Variants in PRDM14 observed in about 807,000 individuals in gnomAD.
The protein encoded by PRDM14 is PR domain zinc finger protein 14.
In PRDM14, 16 loss-of-function variants were observed where a neutral mutation model predicts 48.0. The ratio of observed to expected loss-of-function variants is 0.33; its 90% CI spans 0.23 to 0.51. The LOEUF is 0.51. Among genes scored for constraint, PRDM14 ranks in the 20% least tolerant of loss-of-function variants. The pLI, the probability that PRDM14 is intolerant of heterozygous loss-of-function variation, is 0.97. For missense variants in PRDM14, 566 were observed against 719.6 expected, an observed-to-expected ratio of 0.79 and a Z score of 2.44; for synonymous variants, 264 against 276.6, an observed-to-expected ratio of 0.95 and a Z score of 0.45.
At position 70,051,756 on chromosome 8, in the gene PRDM14, AG is replaced by A; in HGVS notation, c.*320del. On this transcript the variant is annotated 3_prime_UTR_variant, in exon 8 of 8. Coordinates refer to ENST00000276594, the MANE Select transcript of PRDM14 (RefSeq NM_024504.4). ...TTTTTACATTGTCTCCACACTCTTGAGGGCTACTCATTTTTTTTGTTTTGTT... is the reference window on the plus strand; with the variant it reads ...TTTTTACATTGTCTCCACACTCTTGAGGCTACTCATTTTTTTTGTTTTGTT... The A allele has an allele frequency of 5.8e-6, 1 of 171,032 alleles. No homozygotes were observed. The highest frequency in any genetic ancestry group is 1.1e-5 in the Non-Finnish European group (1 of 88,626). 10.6% of individuals were successfully genotyped at this position (171,032 alleles called of 1,614,324 possible).
chr8:70,065,380 A>G (rs1805650578), intron 5 of PRDM14, among the ~76,000 whole-genome samples: 2 of 152,152 alleles, frequency 1.3e-5, no homozygotes, highest in South Asian at 2.1e-4. Context: ...ACTTCAGTGT[A>G]TATAGAAATC....
chr8:70,056,387 T>C (rs903874108), intron 6 of PRDM14, among the ~76,000 whole-genome samples: 7 of 152,264 alleles, frequency 4.6e-5, no homozygotes, highest in African/African-American at 1.7e-4. Flanking sequence ...AAAAAACAAT[T>C]TTTCTCTGAG....
chr8:70,055,495 T>G, intron 6 of PRDM14, 94 bp from the exon 7 acceptor site: 1 of 628,994 alleles, frequency 1.6e-6, no homozygotes, highest in Non-Finnish European at 2.8e-6. Context: ...GAAGAACTCT[T>G]TTCCAATTTT....
rs546159009 is a variant in PRDM14, at chr8:70,066,281, G to C, written c.1137C>G (p.Ser379Arg). Residue 379 changes from serine (S) to arginine (R), a missense_variant, in exon 5 of 8, where the codon AGC becomes AGG. By Grantham distance (110) the Ser-to-Arg change is moderately radical. Coordinates refer to ENST00000276594, the MANE Select transcript of PRDM14 (RefSeq NM_024504.4). ...CYEKFLDIPV[S>R]LQVTEPGKQP... is the part of the protein sequence containing the mutation. ...GCTTCCCCGGCTCTGTGACCTGAAG[G>C]CTCACAGGAATATCCAGAAATTTCT... 7.4e-6 allele frequency: 12 copies of C among 1,613,998 alleles called. No individual in the cohort carries two copies. The East Asian group carries it at 2.0e-4, about 27-fold the overall frequency.
Position 70,058,847 on chromosome 8 carries a change from C to G in PRDM14, c.1184-5G>C. On this transcript the variant is annotated splice_polypyrimidine_tract_variant and splice_region_variant and intron_variant, in intron 5 of 7. Transcript: ENST00000276594. ...ATCTGTAGCCTTCTGCAGACTCTGT[C>G]AAACACAGCAAACACAATGTCTCTT... 1 of 1,605,156 alleles carries G rather than the reference C, an allele frequency of 6.2e-7. No homozygotes were observed. Among genetic ancestry groups the G allele is most frequent in the African/African-American group, 1.3e-5 (1 of 74,894 alleles).
At chr8:70,056,183 A>G (rs1393231249) in intron 6 of PRDM14, among the ~76,000 whole-genome samples, 3 of 152,212 alleles carry the variant, frequency 2.0e-5, no homozygotes, top group African/African-American at 7.2e-5. Flanking sequence ...GAAGAGGTTA[A>G]TATTTTGTTC....
chr8:70,069,532 T>G lies in PRDM14; in HGVS notation c.329A>C (p.Glu110Ala). ...GCTGCTGCTCAGGAAGGGCGGCACT[T>G]CCCTGGGGACGTGGGGAATTGGGTA... Reference protein sequence around the residue: ...PWYPIPHVPREVPPFLSSSHE... With the variant: ...PWYPIPHVPRAVPPFLSSSHE... The change falls in exon 2 of 8, where the codon GAA (glutamate) becomes GCA (alanine). Residue 110 changes from glutamate (E) to alanine (A), a missense_variant. Around this residue, in one of 3 missense-constraint regions of PRDM14, gnomAD observed 410 missense variants for 424.6 expected, o/e 0.97. Transcript: ENST00000276594. 2 of 1,607,522 alleles carry G rather than the reference T, an allele frequency of 1.2e-6. No homozygotes were observed. Among genetic ancestry groups the G allele is most frequent in the Non-Finnish European group, 1.7e-6 (2 of 1,176,530 alleles).
chr8:70,066,994 T>A (rs1805680000), intron 4 of PRDM14, among the ~76,000 whole-genome samples: 1 of 152,164 alleles, frequency 6.6e-6, no homozygotes, highest in African/African-American at 2.4e-5. Context: ...CCTCCTAAAG[T>A]GCTAGAATTA....
chr8:70,061,302 G>A (rs1259276701), intron 5 of PRDM14, among the ~76,000 whole-genome samples: 1 of 152,176 alleles, frequency 6.6e-6, no homozygotes, highest in African/African-American at 2.4e-5. Flanking sequence ...TGACCCCAGG[G>A]AGGAAGAGCA....
chr8:70,059,058 G>A (rs543773153), intron 5 of PRDM14, among the ~76,000 whole-genome samples: 67 of 152,206 alleles, frequency 4.4e-4, no homozygotes, highest in African/African-American at 1.2e-3. Context: ...AGGTTCAAGC[G>A]ATTCTCCTGC....
chr8:70,055,529 G>A (rs1292556986), intron 6 of PRDM14, 128 bp from the exon 7 acceptor site: 16 of 530,836 alleles, frequency 3.0e-5, no homozygotes, highest in South Asian at 2.5e-4. Flanking sequence ...TTTTTGAGAC[G>A]GGATCTCAAT....
chr8:70,070,145 C>T (rs1488245423), intron 1 of PRDM14, among the ~76,000 whole-genome samples: 1 of 152,204 alleles, frequency 6.6e-6, no homozygotes, highest in Non-Finnish European at 1.5e-5. Context: ...TGTTGCCTTC[C>T]CCTTCCCTCT....
chr8:70,062,291 G>C (rs1179212843), intron 5 of PRDM14, among the ~76,000 whole-genome samples: 1 of 152,104 alleles, frequency 6.6e-6, no homozygotes, highest in Non-Finnish European at 1.5e-5. Context: ...GATTGCCTCT[G>C]ATATCGGCAT....
At position 70,068,255 on chromosome 8, in the gene PRDM14, T is replaced by C. The variant is rs1275523135; in HGVS notation, c.887A>G (p.Tyr296Cys). Residue 296 changes from tyrosine to cysteine, a missense_variant, in exon 4 of 8, where the codon TAC (tyrosine) becomes TGC (cysteine). Physicochemically the swap from Tyr to Cys is radical, Grantham distance 194. Around this residue, in one of 3 missense-constraint regions of PRDM14, gnomAD observed 410 missense variants for 424.6 expected, o/e 0.97. Transcript: ENST00000276594. The stretch of plus-strand genomic sequence containing the variant: ...CTCCCACATCACAGAATTGTCTCCG[T>C]AGGTCTTCACTTCACTGGCATTGAC... ...KVVNASEVKT[Y>C]GDNSVMWEIF... is the part of the protein sequence containing the mutation. 3 of 1,614,226 alleles carry C rather than the reference T, an allele frequency of 1.9e-6. No individual in the cohort carries two copies. Among genetic ancestry groups the C allele is most frequent in the Non-Finnish European group, 2.5e-6 (3 of 1,180,042 alleles).
chr8:70,065,457 C>T lies in PRDM14; in HGVS notation c.1183+778G>A, dbSNP rs190275296. The stretch of plus-strand genomic sequence containing the variant: ...CCCTAGAGTGGGCTGGTGGTTCCCT[C>T]GCCCCTTGCTACTGGAATGTGGACC... On this transcript the variant is annotated intron_variant, in intron 5 of 7. Transcript: ENST00000276594. Among the ~76,000 whole-genome samples the T allele has an allele frequency of 7.8e-4, 119 of 152,200 alleles. 1 individual carries two copies. The highest frequency in any genetic ancestry group is 2.7e-3 in the African/African-American group (114 of 41,520).
chr8:70,058,622 T>C lies in PRDM14; in HGVS notation c.1386+18A>G. 1.2e-6 allele frequency: 2 copies of C among 1,608,776 alleles called. No individual in the cohort carries two copies. Among genetic ancestry groups the C allele is most frequent in the Non-Finnish European group, 1.7e-6 (2 of 1,176,350 alleles). On this transcript the variant is annotated intron_variant, in intron 6 of 7. Transcript: ENST00000276594. ...AGAGAGAACGTGATGGTGGGTCATG[T>C]GTCCTCCTAATACTCACCTTGTGAG...
chr8:70,058,923 A>ATTTT lies in PRDM14; in HGVS notation c.1184-85_1184-82dup, dbSNP rs1805525409. On this transcript the variant is annotated intron_variant, in intron 5 of 7. Coordinates refer to ENST00000276594, the MANE Select transcript of PRDM14 (RefSeq NM_024504.4). ...CAAGAGGATATTTATTTATTTATTT[A>ATTTT]TTTTTAGCCAAGAATTCTTTGGCTA... The ATTTT allele has an allele frequency of 2.5e-6, 3 of 1,187,068 alleles. No homozygotes were observed. The Admixed American group carries it at 7.6e-5, about 30-fold the overall frequency. The allele number at this position is 1,187,068 out of a possible 1,614,324, so 73.5% of individuals were successfully genotyped here. A position where few individuals can be genotyped will look rare whatever the true frequency, so the allele number is the denominator to read the frequency against.
Position 70,066,334 on chromosome 8 carries a change from G to A in PRDM14, c.1084C>T (p.Leu362Phe). The change falls in exon 5 of 8, where the codon CTC becomes TTC. Residue 362 changes from leucine (L) to phenylalanine (F), a missense_variant. Coordinates refer to ENST00000276594, the MANE Select transcript of PRDM14 (RefSeq NM_024504.4). ...SCKEIHQNQE[L>F]LVWYGDCYEK... ...TAGCAGTCTCCATACCACACAAGGA[G>A]CTCTTGGTTCTGATGGATCTCTTTG... 1 of 1,614,194 alleles carries A rather than the reference G, an allele frequency of 6.2e-7. No individual in the cohort carries two copies.
At position 70,058,702 on chromosome 8, in the gene PRDM14, C is replaced by G; in HGVS notation, c.1324G>C (p.Glu442Gln). ...TGGATCCGAAGCCGGTCCCGCTTCT[C>G]AAAGGATCGTTTGCAGAGAGAACAG... ...FPCSLCKRSF[E>Q]KRDRLRIHIL... Residue 442 changes from glutamate (E) to glutamine (Q), a missense_variant, in exon 6 of 8, where the codon GAG (glutamate) becomes CAG (glutamine). Glu to Gln is a conservative substitution (Grantham distance 29, BLOSUM62 2). Around this residue, in one of 3 missense-constraint regions of PRDM14, gnomAD observed 126 missense variants for 271.6 expected, o/e 0.46. Transcript: ENST00000276594. 1 of 1,614,128 alleles carries G rather than the reference C, an allele frequency of 6.2e-7. No homozygotes were observed.
Sources: allele counts gnomAD v4.1 joint callset (sites outside exome capture counted in the v4.1 genomes callset), GRCh38; gene constraint gnomAD v4.1.1; regional missense constraint gnomAD v4.1.1; transcripts MANE v1.5; gene names NCBI Gene and HGNC (gene_info 2026-07-23, HGNC 2026-07-21).